Variants in MAD1L1 observed in about 807,000 individuals in gnomAD.
MAD1L1 encodes the protein mitotic arrest deficient 1 like 1.
MAD1L1 carries 95 observed loss-of-function variants against 96.9 expected under a neutral mutation model. The observed-to-expected ratio is 0.98, with a 90% CI of 0.83 to 1.16. MAD1L1 has a LOEUF of 1.16. Among genes scored for constraint, MAD1L1 ranks in the 50% most tolerant of loss-of-function variants. MAD1L1 has a pLI of 0.00. For synonymous variants in MAD1L1, 473 were observed against 396.6 expected (o/e 1.19, Z -2.29); for missense variants, 1,007 against 954.4 (o/e 1.06, Z -0.73).
intron 11 of MAD1L1, among the ~76,000 whole-genome samples, chr7:2,095,411 G>A (rs1450958564): frequency 6.6e-6 from 1 of 152,234 alleles, no homozygotes; most frequent in African/African-American, 2.4e-5. Context: ...AAAAAGCCAA[G>A]CACACATCCC....
intron 11 of MAD1L1, among the ~76,000 whole-genome samples, chr7:2,089,787 G>A (rs535162713): frequency 6.6e-6 from 1 of 152,156 alleles, no homozygotes; most frequent in Admixed American, 6.5e-5. Context: ...ACCTTCTAAA[G>A]GAACGGGCTT....
chr7:1,843,924 A>G (rs771490582), intron 18 of MAD1L1, among the ~76,000 whole-genome samples: 7 of 152,156 alleles, frequency 4.6e-5, no homozygotes, highest in African/African-American at 9.7e-5. Flanking sequence ...CGGCCACTCC[A>G]TGGCTAGGGG....
chr7:1,953,691 T>C (rs997747646), intron 16 of MAD1L1, among the ~76,000 whole-genome samples: 2 of 152,256 alleles, frequency 1.3e-5, no homozygotes, highest in Admixed American at 1.3e-4. Flanking sequence ...ACATCCGTGG[T>C]GGAGCCTTGG....
rs748392481 is a variant in MAD1L1 at position 1,915,272 on chromosome 7, T to C, written c.1808-16882A>G. 8.6e-4 allele frequency among the ~76,000 whole-genome samples: 131 copies of C among 152,214 alleles called. No individual in the cohort carries two copies. In the Middle Eastern group the frequency reaches 0.01, roughly 12 times the overall value. ...TAAACGAAGTGCAACAGTAGCACCTTGGAGCGGAAGTGCTACAGAGAACCG... is the reference window on the plus strand; with the variant it reads ...TAAACGAAGTGCAACAGTAGCACCTCGGAGCGGAAGTGCTACAGAGAACCG... On this transcript the variant is annotated intron_variant, in intron 17 of 18. Transcript: ENST00000265854.
chr7:1,862,145 G>A (rs571857586), intron 18 of MAD1L1, among the ~76,000 whole-genome samples: 86 of 152,328 alleles, frequency 5.6e-4, no homozygotes, highest in East Asian at 3.5e-3. Context: ...TGTCTGGGGC[G>A]TCCCCAAGAG....
At chr7:1,945,491 G>A (rs898862088) in intron 16 of MAD1L1, among the ~76,000 whole-genome samples, 3 of 152,228 alleles carry the variant, frequency 2.0e-5, no homozygotes, top group African/African-American at 4.8e-5. Context: ...TCTCCAAGTC[G>A]TGGAGAGTCC....
intron 18 of MAD1L1, among the ~76,000 whole-genome samples, chr7:1,827,502 GGGTGTGGGGTCCTCCCCTCCTGAGCCCGT>G: frequency 4.2e-5 from 6 of 141,982 alleles, no homozygotes; most frequent in Non-Finnish European, 7.8e-5. Flanking sequence ...AGCCCGTCCC[GGGTGTGGGGTCCTCCCCTCCTGAGCCCGT>G]CCCGGGTGTG....
chr7:2,103,515 G>C lies in MAD1L1; in HGVS notation c.1074-34177C>G, dbSNP rs1562690238. Among the ~76,000 whole-genome samples, 1 of 152,106 alleles carries C rather than the reference G, an allele frequency of 6.6e-6. No individual in the cohort carries two copies. Among genetic ancestry groups the C allele is most frequent in the Non-Finnish European group, 1.5e-5 (1 of 68,020 alleles). ...GCCACTGCACAGCGGCGGGGCTCTC[G>C]ACCACCGTGCTCTTTGTTGGGCGGG... On this transcript the variant is annotated intron_variant, in intron 11 of 18. Transcript: ENST00000265854. The surrounding 1 kb of genome is among the most constrained non-coding windows in gnomAD (Gnocchi z 4.3).
At chr7:1,912,602 C>T (rs922892693) in intron 17 of MAD1L1, among the ~76,000 whole-genome samples, 2 of 152,160 alleles carry the variant, frequency 1.3e-5, no homozygotes, top group African/African-American at 4.8e-5. Flanking sequence ...ATCCCTGCAC[C>T]AGTGGGGGAA....
intron 13 of MAD1L1, among the ~76,000 whole-genome samples, chr7:2,005,068 G>T (rs1781971389): frequency 1.3e-5 from 2 of 152,204 alleles, no homozygotes; most frequent in African/African-American, 4.8e-5. Context: ...CCGGGATGCG[G>T]CCAGGAGGAC....
intron 18 of MAD1L1, among the ~76,000 whole-genome samples, chr7:1,821,188 A>T (rs1317666703): frequency 6.6e-6 from 1 of 152,088 alleles, no homozygotes; most frequent in Non-Finnish European, 1.5e-5. Flanking sequence ...AAAATACTAC[A>T]ACAAAACTTG....
rs566917625 is a variant in MAD1L1, at chr7:2,202,361, G to A, written c.986+10851C>T. On this transcript the variant is annotated intron_variant, in intron 10 of 18. Transcript: ENST00000265854. ...GGACGGAGCTGGGAACCTGGCTCAC[G>A]CCCCACCCTGGCCTGCACCTCTGGA... 5.3e-5 allele frequency among the ~76,000 whole-genome samples: 8 copies of A among 152,310 alleles called. No individual in the cohort carries two copies. In the East Asian group the frequency reaches 5.8e-4, roughly 11 times the overall value.
chr7:2,153,846 C>T (rs142771309), intron 10 of MAD1L1, among the ~76,000 whole-genome samples: 75 of 152,346 alleles, frequency 4.9e-4, no homozygotes, highest in African/African-American at 1.7e-3. Context: ...CAGTGGAATG[C>T]TATCCGGCCG....
chr7:1,940,973 A>AG (rs1393383857), intron 16 of MAD1L1, among the ~76,000 whole-genome samples: 2,530 of 145,886 alleles, frequency 0.017, 119 homozygotes, highest in Admixed American at 0.049. Flanking sequence ...CGCAGGCCTC[A>AG]CCCTCCTCTT....
intron 18 of MAD1L1, among the ~76,000 whole-genome samples, chr7:1,856,753 A>G (rs1010678561): frequency 6.6e-6 from 1 of 151,938 alleles, no homozygotes; most frequent in Non-Finnish European, 1.5e-5. Flanking sequence ...GCCCACGCGC[A>G]CCCCGCGTGC....
In MAD1L1 at chr7:1,820,519, C is replaced by T. The variant is rs182889178; in HGVS notation, c.1999-4291G>A. 2.3e-4 allele frequency among the ~76,000 whole-genome samples: 35 copies of T among 152,232 alleles called. No individual in the cohort carries two copies. In the East Asian group the frequency reaches 6.7e-3, roughly 29 times the overall value. On this transcript the variant is annotated intron_variant, in intron 18 of 18. Transcript: ENST00000265854. ...GCAGGGCTCACACCTGTAATCTTTG[C>T]ACTTTGGGAGGCCAAGGTGAGAGGA...
At chr7:1,868,381 A>T (rs1784879655) in intron 18 of MAD1L1, among the ~76,000 whole-genome samples, 1 of 151,756 alleles carries the variant, frequency 6.6e-6, no homozygotes, top group Non-Finnish European at 1.5e-5. Flanking sequence ...AGCACACACC[A>T]CGCTTCCCGG....
chr7:1,967,428 C>A (rs1780212756), intron 15 of MAD1L1, among the ~76,000 whole-genome samples: 2 of 152,194 alleles, frequency 1.3e-5, no homozygotes, highest in Non-Finnish European at 2.9e-5. Context: ...TAGAAACTGA[C>A]CCGATGACAT....
At chr7:2,037,957 A>T (rs1435334651) in intron 12 of MAD1L1, among the ~76,000 whole-genome samples, 2 of 152,244 alleles carry the variant, frequency 1.3e-5, no homozygotes, top group African/African-American at 4.8e-5. Context: ...AGCAAAGATA[A>T]GCCGAAAGCC....
Sources: allele counts gnomAD v4.1 joint callset (sites outside exome capture counted in the v4.1 genomes callset), GRCh38; gene constraint gnomAD v4.1.1; non-coding constraint Gnocchi (gnomAD v3.1); transcripts MANE v1.5; gene names NCBI Gene and HGNC (gene_info 2026-07-23, HGNC 2026-07-21).